Variants in VPS50 observed in about 807,000 individuals in gnomAD.
The protein encoded by VPS50 is VPS50 subunit of EARP/GARPII complex.
Under a neutral mutation model 139.7 loss-of-function variants are expected in VPS50, and 70 were observed. That is an observed-to-expected ratio of 0.50 (90% confidence interval 0.41 to 0.61). VPS50 has a LOEUF of 0.61. Ranked by LOEUF, VPS50 falls within the 20% of genes least tolerant of loss-of-function variation. The pLI is 0.00. For missense variants in VPS50, 921 were observed against 1,133.7 expected (o/e 0.81, Z 2.69); for synonymous variants, 365 against 376.7 (o/e 0.97, Z 0.36).
chr7:93,277,075 G>C (rs1796179019), intron 12 of VPS50, among the ~76,000 whole-genome samples: 1 of 152,132 alleles, frequency 6.6e-6, no homozygotes, highest in Non-Finnish European at 1.5e-5. Context: ...GAAGATTGAG[G>C]TGAAAGGGTA....
At position 93,239,016 on chromosome 7, in the gene VPS50, G is replaced by A. The variant is rs144346004; in HGVS notation, c.34-850G>A. On this transcript the variant is annotated intron_variant, in intron 1 of 27. Transcript: ENST00000305866. ...ATCTCTGTAGTTTAAAGATAAGCAA[G>A]TTCTGCTCTGAGTCTCAAATAGTCA... 2.6e-5 allele frequency among the ~76,000 whole-genome samples: 4 copies of A among 152,268 alleles called. No homozygotes were observed. The East Asian group carries it at 7.7e-4, about 29-fold the overall frequency.
In VPS50 at chr7:93,356,488, ACTC is replaced by A. The variant is rs1037638514; in HGVS notation, c.2775+412_2775+414del. Among the ~76,000 whole-genome samples the A allele has an allele frequency of 6.8e-4, 104 of 152,240 alleles. 1 individual carries two copies. Among genetic ancestry groups the A allele is most frequent in the African/African-American group, 2.3e-3 (96 of 41,558 alleles). On this transcript the variant is annotated intron_variant, in intron 27 of 27. Coordinates refer to ENST00000305866, the MANE Select transcript of VPS50 (RefSeq NM_017667.4). ...AACCTTCTCATACAAACCTTCTCGT[ACTC>A]CTCAACGATGAAATGGTAACATCCT... is the stretch of plus-strand genomic sequence containing the variant.
At chr7:93,258,031 T>C (rs1190633316) in intron 6 of VPS50, 128 bp from the exon 7 acceptor site, 1 of 586,386 alleles carries the variant, frequency 1.7e-6, no homozygotes, top group African/African-American at 1.9e-5. Context: ...ATTTGTCAAA[T>C]AGTAGTTTAA....
At chr7:93,240,431 T>C (rs1794954284) in intron 2 of VPS50, among the ~76,000 whole-genome samples, 1 of 152,190 alleles carries the variant, frequency 6.6e-6, no homozygotes, top group African/African-American at 2.4e-5. Context: ...CTGAATTGTA[T>C]AACTTATCTC....
intron 20 of VPS50, chr7:93,320,861 C>G (rs1228416532): frequency 6.6e-6 from 1 of 152,496 alleles, no homozygotes; most frequent in East Asian, 1.9e-4. Flanking sequence ...GCAGTTCCAG[C>G]TTGATTCTAA....
At chr7:93,338,869 A>T (rs1170234433) in intron 22 of VPS50, among the ~76,000 whole-genome samples, 2 of 152,144 alleles carry the variant, frequency 1.3e-5, no homozygotes, top group African/African-American at 2.4e-5. Context: ...CTCTCTATTC[A>T]TGGGCTTTTA....
At chr7:93,272,198 A>G (rs1187765724) in intron 10 of VPS50, among the ~76,000 whole-genome samples, 4 of 151,862 alleles carry the variant, frequency 2.6e-5, no homozygotes, top group African/African-American at 4.8e-5. Flanking sequence ...CTTGAGGAAT[A>G]TACTTTTAAA....
chr7:93,304,334 G>GTTTT (rs924375937), intron 17 of VPS50, among the ~76,000 whole-genome samples: 1 of 150,880 alleles, frequency 6.6e-6, no homozygotes, highest in East Asian at 1.9e-4. Flanking sequence ...ATAATTACAA[G>GTTTT]TTTTTTTTTG....
chr7:93,320,103 A>C (rs1797557798), intron 20 of VPS50, among the ~76,000 whole-genome samples: 1 of 152,092 alleles, frequency 6.6e-6, no homozygotes, highest in Non-Finnish European at 1.5e-5. Flanking sequence ...GAAGGCTTAC[A>C]AGCCATTGTG....
At chr7:93,331,232 G>GT (rs769476910) in intron 21 of VPS50, among the ~76,000 whole-genome samples, 3,834 of 135,238 alleles carry the variant, frequency 0.028, 107 homozygotes, top group African/African-American at 0.076. Context: ...CTGTAACAAG[G>GT]TTTTTTTTTT....
chr7:93,358,455 C>A lies in VPS50; in HGVS notation c.*19C>A. 1 of 1,606,112 alleles carries A rather than the reference C, an allele frequency of 6.2e-7. No homozygotes were observed. The highest frequency in any genetic ancestry group is 1.1e-5 in the South Asian group (1 of 90,622). ...AAGATAATGAACACAGCTCTCTTTC[C>A]TCAATGGCATTGATCCTCACTCAAC... On this transcript the variant is annotated 3_prime_UTR_variant, in exon 28 of 28. Transcript: ENST00000305866.
intron 2 of VPS50, among the ~76,000 whole-genome samples, chr7:93,241,018 CAAG>C (rs1230792832): frequency 1.3e-5 from 2 of 152,050 alleles, no homozygotes; most frequent in Non-Finnish European, 2.9e-5. Context: ...GGTTGGGAAA[CAAG>C]AGATAGCCAT....
chr7:93,316,701 A>G (rs562042097), intron 20 of VPS50, among the ~76,000 whole-genome samples: 1 of 152,304 alleles, frequency 6.6e-6, no homozygotes, highest in South Asian at 2.1e-4. Context: ...TTGGACATAT[A>G]GAGGTACCTC....
At chr7:93,270,748 T>G (rs1335212855) in intron 9 of VPS50, among the ~76,000 whole-genome samples, 3 of 151,980 alleles carry the variant, frequency 2.0e-5, no homozygotes, top group Non-Finnish European at 4.4e-5. Flanking sequence ...CATTTTTAAT[T>G]TTTTAAAAAT....
At chr7:93,324,406 A>G (rs1193629061) in intron 21 of VPS50, among the ~76,000 whole-genome samples, 2 of 152,212 alleles carry the variant, frequency 1.3e-5, no homozygotes, top group Non-Finnish European at 2.9e-5. Context: ...CCCATTAAGT[A>G]TGATATTGGC....
rs117981401 is a variant in VPS50, at chr7:93,255,519, C to T, written c.298-990C>T. Among the ~76,000 whole-genome samples, 738 of 152,262 alleles carry T rather than the reference C, an allele frequency of 4.8e-3. 3 individuals carry two copies. The highest frequency in any genetic ancestry group is 8.2e-3 in the Non-Finnish European group (555 of 68,008). On this transcript the variant is annotated intron_variant, in intron 4 of 27. Coordinates refer to ENST00000305866, the MANE Select transcript of VPS50 (RefSeq NM_017667.4). Reference sequence around the variant, plus strand: ...AGCCTGGTTCCCCACAGGCCACGGACCAGTACTCTCTATTAGTAGACAATC... The same window carrying T: ...AGCCTGGTTCCCCACAGGCCACGGATCAGTACTCTCTATTAGTAGACAATC...
intron 12 of VPS50, among the ~76,000 whole-genome samples, chr7:93,286,653 T>C (rs1028484598): frequency 6.6e-6 from 1 of 152,192 alleles, no homozygotes; most frequent in African/African-American, 2.4e-5. Flanking sequence ...GTTCCTCTTA[T>C]TAGCCTGCCT....
At chr7:93,328,546 AG>A (rs1365578703) in intron 21 of VPS50, among the ~76,000 whole-genome samples, 1 of 152,204 alleles carries the variant, frequency 6.6e-6, no homozygotes, top group Non-Finnish European at 1.5e-5. Context: ...ACTATAGAAA[AG>A]GCAACTATTT....
Position 93,258,287 on chromosome 7 carries a change from G to A in VPS50, c.540+11G>A, listed in dbSNP as rs750543565. On this transcript the variant is annotated intron_variant, in intron 7 of 27. Coordinates refer to ENST00000305866, the MANE Select transcript of VPS50 (RefSeq NM_017667.4). Reference sequence around the variant, plus strand: ...ACTATAAAAACATTGGTATATATGGGTCATTTAAAAAAATTAAAACTGAAT... The same window carrying A: ...ACTATAAAAACATTGGTATATATGGATCATTTAAAAAAATTAAAACTGAAT... The A allele has an allele frequency of 6.4e-7, 1 of 1,566,862 alleles. No individual in the cohort carries two copies. The highest frequency in any genetic ancestry group is 1.7e-5 in the Admixed American group (1 of 59,724).
Sources: allele counts gnomAD v4.1 joint callset (sites outside exome capture counted in the v4.1 genomes callset), GRCh38; gene constraint gnomAD v4.1.1; transcripts MANE v1.5; gene names NCBI Gene and HGNC (gene_info 2026-07-23, HGNC 2026-07-21).